Variants in ZFAND1 observed in about 807,000 individuals in gnomAD.
ZFAND1 encodes zinc finger AN1-type containing 1.
Under a neutral mutation model 38.5 loss-of-function variants are expected in ZFAND1, and 40 were observed. The observed-to-expected ratio is 1.04, with a 90% CI of 0.81 to 1.35. The LOEUF (loss-of-function observed/expected upper bound fraction) is 1.35, where lower values mean the gene tolerates loss of function less well. Among genes scored for constraint, ZFAND1 ranks in the 40% most tolerant of loss-of-function variants. The pLI is 0.00. For missense variants in ZFAND1, 346 were observed against 316.3 expected, an observed-to-expected ratio of 1.09 and a Z score of -0.71; for synonymous variants, 117 against 103.6, an observed-to-expected ratio of 1.13 and a Z score of -0.78.
intron 6 of ZFAND1, among the ~76,000 whole-genome samples, chr8:81,709,236 A>G (rs1268868969): frequency 1.3e-5 from 2 of 152,206 alleles, no homozygotes; most frequent in African/African-American, 4.8e-5. Context: ...TCTACTAGGC[A>G]TTAATGAGAG....
Position 81,701,394 on chromosome 8 carries a change from C to G in ZFAND1, c.*1301G>C, listed in dbSNP as rs1440545708. ...GTATATACATTTTTTAGACATAATG[C>G]TATTGCACATTAAATAGACTATAGT... On this transcript the variant is annotated 3_prime_UTR_variant, in exon 8 of 8. Transcript: ENST00000220669. 6.6e-6 allele frequency: 1 copy of G among 152,072 alleles called. No homozygotes were observed. Among genetic ancestry groups the G allele is most frequent in the East Asian group, 1.9e-4 (1 of 5,192 alleles). 9.4% of individuals were successfully genotyped at this position (152,072 alleles called of 1,614,324 possible).
At chr8:81,714,762 T>C in intron 5 of ZFAND1, 42 bp downstream of exon 5, 2 of 1,574,058 alleles carry the variant, frequency 1.3e-6, no homozygotes, top group South Asian at 1.1e-5. Context: ...GCAGGAGCTC[T>C]GGAACTAGGA....
intron 6 of ZFAND1, among the ~76,000 whole-genome samples, chr8:81,710,190 G>T (rs1808099172): frequency 6.6e-6 from 1 of 152,212 alleles, no homozygotes; most frequent in African/African-American, 2.4e-5. Flanking sequence ...AGACATTGCT[G>T]AATGTCCCCT....
At chr8:81,716,164 A>G (rs1563609690) in intron 3 of ZFAND1, among the ~76,000 whole-genome samples, 1 of 152,230 alleles carries the variant, frequency 6.6e-6, no homozygotes, top group Non-Finnish European at 1.5e-5. Context: ...CAGATGTGAA[A>G]ATATTTGGTA....
intron 2 of ZFAND1, 35 bp downstream of exon 2, chr8:81,718,143 TAAAA>T (rs763742035): frequency 1.4e-5 from 21 of 1,502,824 alleles, no homozygotes; most frequent in Middle Eastern, 1.7e-4. Flanking sequence ...TAATAAACAC[TAAAA>T]TTACTCCCAA....
intron 3 of ZFAND1, among the ~76,000 whole-genome samples, chr8:81,715,392 T>G (rs1035055884): frequency 1.3e-5 from 2 of 152,164 alleles, no homozygotes; most frequent in Admixed American, 6.5e-5. Context: ...TTTGTAACAG[T>G]CTCATACAAA....
intron 6 of ZFAND1, among the ~76,000 whole-genome samples, chr8:81,712,035 A>C (rs975238983): frequency 1.3e-5 from 2 of 152,184 alleles, no homozygotes; most frequent in Non-Finnish European, 2.9e-5. Flanking sequence ...TTCTCAGTGC[A>C]TTTTAAAAGA....
chr8:81,714,339 G>A (rs940612573), intron 5 of ZFAND1: 5 of 277,112 alleles, frequency 1.8e-5, no homozygotes, highest in African/African-American at 1.1e-4. Flanking sequence ...ATTTGGTTAT[G>A]CAAGATTGTA....
intron 1 of ZFAND1, among the ~76,000 whole-genome samples, chr8:81,718,908 T>C (rs552216044): frequency 3.9e-5 from 6 of 151,932 alleles, no homozygotes; most frequent in South Asian, 2.1e-4. Context: ...AAAGCTCTTT[T>C]ATTGGGTAAG....
chr8:81,705,795 T>C (rs1807962128), intron 6 of ZFAND1, among the ~76,000 whole-genome samples: 1 of 152,198 alleles, frequency 6.6e-6, no homozygotes, highest in South Asian at 2.1e-4. Context: ...GGCACGCGCC[T>C]GTAGTCCCAG....
rs1331437178 is a variant in ZFAND1 at position 81,721,252 on chromosome 8, G to C, written c.30C>G (p.Cys10Trp). ...CTCGCTGCCGGCAATGCTCCACCTGGCAGTGCTGCCCGATGTCCAACTCCG... is the reference window on the plus strand; with the variant it reads ...CTCGCTGCCGGCAATGCTCCACCTGCCAGTGCTGCCCGATGTCCAACTCCG... MAELDIGQH[C>W]QVEHCRQRDF... The change falls in exon 1 of 8, where the codon TGC (cysteine) becomes TGG (tryptophan). Residue 10 changes from cysteine to tryptophan, a missense_variant. Physicochemically the swap from Cys to Trp is radical, Grantham distance 215. Coordinates refer to ENST00000220669, the MANE Select transcript of ZFAND1 (RefSeq NM_024699.3). The C allele has an allele frequency of 5.6e-5, 87 of 1,549,198 alleles. No homozygotes were observed. Among genetic ancestry groups the C allele is most frequent in the Non-Finnish European group, 7.4e-5 (85 of 1,147,234 alleles).
intron 6 of ZFAND1, among the ~76,000 whole-genome samples, chr8:81,705,793 C>T (rs1184544168): frequency 2.6e-5 from 4 of 152,156 alleles, no homozygotes; most frequent in African/African-American, 9.7e-5. Flanking sequence ...GGGGCACGCG[C>T]CTGTAGTCCC....
intron 3 of ZFAND1, 132 bp downstream of exon 3, chr8:81,717,117 C>A: frequency 3.2e-6 from 2 of 618,482 alleles, no homozygotes; most frequent in Non-Finnish European, 5.4e-6. Flanking sequence ...GAAGCAAAAG[C>A]CTCTTTACCT....
intron 6 of ZFAND1, among the ~76,000 whole-genome samples, chr8:81,704,538 C>CAAA (rs58216047): frequency 6.5e-4 from 68 of 105,286 alleles, no homozygotes; most frequent in South Asian, 1.9e-3. Context: ...GACCCTATTT[C>CAAA]AAAAAAAAAA....
At chr8:81,713,885 AT>A (rs1481785393) in intron 6 of ZFAND1, 32 bp downstream of exon 6, 3 of 1,610,484 alleles carry the variant, frequency 1.9e-6, no homozygotes, top group Non-Finnish European at 2.5e-6. Flanking sequence ...TATATTTGAA[AT>A]TTTTGTGTTT....
At chr8:81,714,169 T>A in intron 5 of ZFAND1, 130 bp from the exon 6 acceptor site, 1 of 824,418 alleles carries the variant, frequency 1.2e-6, no homozygotes, top group Non-Finnish European at 1.8e-6. Context: ...AGAGACCACA[T>A]TCATTGTATA....
chr8:81,719,590 T>A (rs1412759390), intron 1 of ZFAND1, among the ~76,000 whole-genome samples: 1 of 152,102 alleles, frequency 6.6e-6, no homozygotes, highest in Admixed American at 6.5e-5. Flanking sequence ...CTTTTAATAA[T>A]CAAGTATTAG....
chr8:81,717,090 A>C (rs1346910891), intron 3 of ZFAND1, among the ~76,000 whole-genome samples, 159 bp downstream of exon 3: 1 of 152,246 alleles, frequency 6.6e-6, no homozygotes, highest in African/African-American at 2.4e-5. Context: ...TTTCAAACAA[A>C]GAAAAATAAT....
chr8:81,716,839 C>T (rs1406520205), intron 3 of ZFAND1, among the ~76,000 whole-genome samples: 2 of 151,996 alleles, frequency 1.3e-5, no homozygotes, highest in Non-Finnish European at 2.9e-5. Context: ...CCCAGCTATT[C>T]GGGAGGCTGA....
Sources: allele counts gnomAD v4.1 joint callset (sites outside exome capture counted in the v4.1 genomes callset), GRCh38; gene constraint gnomAD v4.1.1; transcripts MANE v1.5; gene names NCBI Gene and HGNC (gene_info 2026-07-23, HGNC 2026-07-21).